TNRC18: variants seen among roughly 807,000 people sequenced by gnomAD.
The protein encoded by TNRC18 is trinucleotide repeat containing 18, also known as trinucleotide repeat-containing gene 18 protein.
Under a neutral mutation model 226.7 loss-of-function variants are expected in TNRC18, and 69 were observed. The observed-to-expected ratio is 0.30, with a 90% CI of 0.25 to 0.37. The LOEUF (loss-of-function observed/expected upper bound fraction) is 0.37. Among genes scored for constraint, TNRC18 ranks in the 10% least tolerant of loss-of-function variants. The probability of loss-of-function intolerance (pLI) is 1.00; values close to 1 mark genes in which losing one functional copy is unlikely to be tolerated. For missense variants in TNRC18, 4,754 were observed against 4,256.6 expected (o/e 1.12, Z -3.25); for synonymous variants, 2,449 against 1,927.6 (o/e 1.27, Z -7.09).
chr7:5,347,108 T>C (rs1791274293), intron 17 of TNRC18, among the ~76,000 whole-genome samples: 1 of 151,448 alleles, frequency 6.6e-6, no homozygotes, highest in African/African-American at 2.4e-5. Flanking sequence ...TCTGAGAGGC[T>C]GAGGCGGGAA....
rs1780208667 is a variant in TNRC18 at position 5,390,487 on chromosome 7, C to T, written c.485G>A (p.Gly162Glu). 3 of 1,613,694 alleles carry T rather than the reference C, an allele frequency of 1.9e-6. No homozygotes were observed. The highest frequency in any genetic ancestry group is 1.7e-5 in the Admixed American group (1 of 60,002). ...CCAACCCCGGACTCCAGTCTTACCT[C>T]CTCCTGGCCCCTGACCTTTCTGGGT... ...FDTQKGQGPG[G>E]DGFYLPTAGA... is the part of the protein sequence containing the mutation. The change falls in exon 4 of 30, where the codon GGA (glycine) becomes GAA (glutamate). Residue 162 changes from glycine (G) to glutamate (E), a missense_variant and splice_region_variant. Transcript: ENST00000430969.
chr7:5,385,494 C>CAAAAAAAAAAAAAAAAAAA (rs60919833), intron 5 of TNRC18, among the ~76,000 whole-genome samples: 1 of 88,098 alleles, frequency 1.1e-5, no homozygotes, highest in Non-Finnish European at 2.4e-5. Flanking sequence ...GACTCCGTCT[C>CAAAAAAAAAAAAAAAAAAA]AAAAAAAAAA....
At position 5,307,880 on chromosome 7, in the gene TNRC18, G is replaced by T; in HGVS notation, c.*226C>A. 1.7e-6 allele frequency: 1 copy of T among 577,456 alleles called. No individual in the cohort carries two copies. The highest frequency in any genetic ancestry group is 2.9e-5 in the East Asian group (1 of 34,694). 35.8% of individuals were successfully genotyped at this position (577,456 alleles called of 1,614,324 possible). A position where few individuals can be genotyped will look rare whatever the true frequency, so the allele number is the denominator to read the frequency against. ...TAGCTAAGAGGGGCCCCTGTCCTGG[G>T]GGCACTGAGGGGTTGGAAGGTGGGG... is the stretch of plus-strand genomic sequence containing the variant. On this transcript the variant is annotated 3_prime_UTR_variant, in exon 30 of 30. Transcript: ENST00000430969.
Position 5,309,208 on chromosome 7 carries a change from T to C in TNRC18, c.8549A>G (p.Asn2850Ser), listed in dbSNP as rs1786933926. 6.2e-7 allele frequency: 1 copy of C among 1,613,650 alleles called. No homozygotes were observed. The highest frequency in any genetic ancestry group is 8.5e-7 in the Non-Finnish European group (1 of 1,179,806). ...CCACTTGACGCGGACCACCATGTTG[T>C]TGCCCCACGACTCCCACATGCTCTG... Reference protein sequence around the residue: ...RIQSMWESWGNNMVVRVKWFY... With the variant: ...RIQSMWESWGSNMVVRVKWFY... Residue 2850 changes from asparagine to serine, a missense_variant, in exon 28 of 30, where the codon AAC (asparagine) becomes AGC (serine). By Grantham distance (46) the Asn-to-Ser change is conservative. Coordinates refer to ENST00000430969, the MANE Select transcript of TNRC18 (RefSeq NM_001080495.3). The surrounding 1 kb of genome is among the most constrained non-coding windows in gnomAD (Gnocchi z 5.7).
rs201741431 is a variant in TNRC18 at position 5,370,954 on chromosome 7, C to T, written c.3640G>A (p.Ala1214Thr). ...AAGTCTGGACACTCAGAGGGCTCTG[C>T]GCAGCTCTGCCCGGTGGCACTCAGC... The part of the protein sequence containing the change: ...QALSATGQSC[A>T]EPSECPDFVE... The change falls in exon 11 of 30, where the codon GCA becomes ACA. Residue 1214 changes from alanine to threonine, a missense_variant. By Grantham distance (58) the Ala-to-Thr change is moderately conservative. Transcript: ENST00000430969. 9.5e-5 allele frequency: 153 copies of T among 1,605,244 alleles called. No homozygotes were observed. The African/African-American group carries it at 1.6e-3, about 17-fold the overall frequency.
chr7:5,417,759 C>T (rs1369119142), intron 2 of TNRC18, among the ~76,000 whole-genome samples: 1 of 152,190 alleles, frequency 6.6e-6, no homozygotes, highest in Non-Finnish European at 1.5e-5. Context: ...CAGAACCCTC[C>T]CAGGGCCTCC....
chr7:5,338,920 C>G (rs983357401), intron 18 of TNRC18, among the ~76,000 whole-genome samples: 2 of 80,584 alleles, frequency 2.5e-5, no homozygotes, highest in African/African-American at 1.2e-4. Context: ...AACTCCATCT[C>G]AAAAGGAAAA....
chr7:5,395,677 A>T (rs1222160777), intron 2 of TNRC18, among the ~76,000 whole-genome samples: 1 of 152,250 alleles, frequency 6.6e-6, no homozygotes, highest in African/African-American at 2.4e-5. Flanking sequence ...TAGGGAAGGA[A>T]GCATGTGTTT....
At chr7:5,362,539 CCT>C (rs1793163111) in intron 12 of TNRC18, 109 bp downstream of exon 12, 10 of 1,050,954 alleles carry the variant, frequency 9.5e-6, no homozygotes, top group Non-Finnish European at 1.2e-5. Flanking sequence ...GTAGCTCAGG[CCT>C]CTCTGGCGCC....
intron 11 of TNRC18, among the ~76,000 whole-genome samples, chr7:5,369,426 C>T (rs1475455238): frequency 6.6e-6 from 1 of 152,142 alleles, no homozygotes; most frequent in Non-Finnish European, 1.5e-5. Context: ...TTTGCCAAAG[C>T]TAGCAAGAAA....
intron 11 of TNRC18, among the ~76,000 whole-genome samples, chr7:5,365,605 T>C (rs148093372): frequency 1.8e-4 from 28 of 152,162 alleles, no homozygotes; most frequent in South Asian, 6.2e-4. Flanking sequence ...AGTTCTATTA[T>C]AATTTTTCAA....
Position 5,309,615 on chromosome 7 carries a change from A to AT in TNRC18, c.8389-248dup, listed in dbSNP as rs1228500389. Among the ~76,000 whole-genome samples the AT allele has an allele frequency of 6.6e-6, 1 of 152,216 alleles. No homozygotes were observed. Among genetic ancestry groups the AT allele is most frequent in the Non-Finnish European group, 1.5e-5 (1 of 68,040 alleles). On this transcript the variant is annotated intron_variant, in intron 27 of 29. Coordinates refer to ENST00000430969, the MANE Select transcript of TNRC18 (RefSeq NM_001080495.3). This position sits in a 1 kb window ranked among gnomAD's most constrained non-coding sequence, Gnocchi z 5.7. The stretch of plus-strand genomic sequence containing the variant: ...GCATTCTGCCGCTACAAGACTTCTT[A>AT]TTTTTGAGACAGGGTCTCCCTCTGT...
chr7:5,388,018 C>G lies in TNRC18; in HGVS notation c.1806G>C (p.Val602=), dbSNP rs1410817234. The part of the protein sequence containing the change: ...SGSFARDAVA[V]RPGGCGKKSP... Reference sequence around the variant, plus strand: ...TCTTCTTGCCACAGCCACCAGGGCGCACGGCCACGGCGTCCCGGGCAAAGC... The same window carrying G: ...TCTTCTTGCCACAGCCACCAGGGCGGACGGCCACGGCGTCCCGGGCAAAGC... The change falls in exon 5 of 30, where the codon GTG becomes GTC. Residue 602 remains valine, a synonymous_variant. Coordinates refer to ENST00000430969, the MANE Select transcript of TNRC18 (RefSeq NM_001080495.3). The G allele has an allele frequency of 6.4e-7, 1 of 1,574,314 alleles. No individual in the cohort carries two copies. The highest frequency in any genetic ancestry group is 1.4e-5 in the African/African-American group (1 of 73,996).
In TNRC18 at chr7:5,370,465, G is replaced by A. The variant is rs764664942; in HGVS notation, c.4129C>T (p.Leu1377Phe). The change falls in exon 11 of 30, where the codon CTT (leucine) becomes TTT (phenylalanine). Residue 1377 changes from leucine (L) to phenylalanine (F), a missense_variant. By Grantham distance (22) the Leu-to-Phe change is conservative. Transcript: ENST00000430969. The stretch of plus-strand genomic sequence containing the variant: ...TGCAGGAAGCTCTGCTCCAAGACAA[G>A]GCTCTCGGCTGCTTCCAGCTTCTCC... ...ALEKLEAAES[L>F]VLEQSFLHGI... The A allele has an allele frequency of 2.2e-5, 35 of 1,576,888 alleles. No homozygotes were observed. Among genetic ancestry groups the A allele is most frequent in the Non-Finnish European group, 3.0e-5 (35 of 1,161,116 alleles).
intron 2 of TNRC18, among the ~76,000 whole-genome samples, chr7:5,410,184 G>A (rs1332169790): frequency 2.0e-5 from 3 of 150,584 alleles, no homozygotes; most frequent in African/African-American, 4.9e-5. Flanking sequence ...GGTGGCACAC[G>A]CCTGAAATCC....
chr7:5,371,064 G>A lies in TNRC18; in HGVS notation c.3530C>T (p.Ser1177Leu), dbSNP rs142945460. ...TTCCGCGGCGGGCAGTGGCAGCGGC[G>A]ACTCCAGAGGCGGCAGCTCTGTGGG... ...EGPTELPPLE[S>L]PLPLPAAEAM... Residue 1177 changes from serine (S) to leucine (L), a missense_variant, in exon 11 of 30, where the codon TCG becomes TTG. Transcript: ENST00000430969. The A allele has an allele frequency of 5.2e-4, 836 of 1,611,240 alleles. 10 individuals are homozygous for A. The East Asian group carries it at 0.016, about 32-fold the overall frequency.
At chr7:5,416,965 G>T (rs1300147545) in intron 2 of TNRC18, among the ~76,000 whole-genome samples, 1 of 145,506 alleles carries the variant, frequency 6.9e-6, no homozygotes, top group Non-Finnish European at 1.5e-5. Context: ...CTGGTTGACA[G>T]AGTAAAACCC....
chr7:5,389,217 C>T lies in TNRC18; in HGVS notation c.607G>A (p.Asp203Asn). The change falls in exon 5 of 30, where the codon GAC becomes AAC. Residue 203 changes from aspartate (D) to asparagine (N), a missense_variant. Asp to Asn is a conservative substitution (Grantham distance 23, BLOSUM62 1). Transcript: ENST00000430969. ...GAPAKGSSSRDGPAKERAGRG... is the reference protein window; with the variant it reads ...GAPAKGSSSRNGPAKERAGRG... ...CCCGCCCGCTCCTTGGCTGGACCGT[C>T]CCGCGACGACGAGCCTTTGGCCGGG... is the stretch of plus-strand genomic sequence containing the variant. 7.5e-7 allele frequency: 1 copy of T among 1,337,708 alleles called. No homozygotes were observed. Among genetic ancestry groups the T allele is most frequent in the East Asian group, 3.3e-5 (1 of 30,468 alleles). The allele number at this position is 1,337,708 out of a possible 1,614,324, so 82.9% of individuals were successfully genotyped here.
chr7:5,369,323 T>C (rs1793935445), intron 11 of TNRC18, among the ~76,000 whole-genome samples: 1 of 152,114 alleles, frequency 6.6e-6, no homozygotes, highest in Admixed American at 6.5e-5. Context: ...CACACCAGCC[T>C]GGGTGATAGA....
Sources: allele counts gnomAD v4.1 joint callset (sites outside exome capture counted in the v4.1 genomes callset), GRCh38; gene constraint gnomAD v4.1.1; non-coding constraint Gnocchi (gnomAD v3.1); transcripts MANE v1.5; gene names NCBI Gene and HGNC (gene_info 2026-07-23, HGNC 2026-07-21).